Variants in CHRNA6 observed in about 807,000 individuals in gnomAD.
The protein encoded by CHRNA6 is neuronal acetylcholine receptor subunit alpha-6.
A neutral mutation model predicts 40.9 loss-of-function variants in CHRNA6; 31 were observed. The ratio of observed to expected loss-of-function variants is 0.76; its 90% confidence interval spans 0.57 to 1.02. The LOEUF (loss-of-function observed/expected upper bound fraction) is 1.02. CHRNA6 is among the 50% of genes least tolerant of loss of function. CHRNA6 has a pLI of 0.00. For missense variants in CHRNA6, 546 were observed against 596.6 expected, an observed-to-expected ratio of 0.92 and a Z score of 0.88; for synonymous variants, 222 against 221.3, an observed-to-expected ratio of 1.00 and a Z score of -0.03.
chr8:42,764,403 C>T (rs755110677), intron 2 of CHRNA6, among the ~76,000 whole-genome samples: 1 of 151,954 alleles, frequency 6.6e-6, no homozygotes, highest in African/African-American at 2.4e-5. Flanking sequence ...TCTCGGCTCA[C>T]TGCAGCCTTG....
chr8:42,756,107 G>A lies in CHRNA6; in HGVS notation c.1092C>T (p.Gly364=). The change falls in exon 5 of 6, where the codon GGC becomes GGT. Residue 364 remains glycine, a synonymous_variant. Coordinates refer to ENST00000276410, the MANE Select transcript of CHRNA6 (RefSeq NM_004198.3). The part of the protein sequence containing the change: ...LMRWPLDKTR[G]TGSDAVPRGL... Reference sequence around the variant, plus strand: ...CTCTGGGCACTGCATCAGAGCCTGTGCCCCTTGTCTTGTCCAGAGGCCACC... The same window carrying A: ...CTCTGGGCACTGCATCAGAGCCTGTACCCCTTGTCTTGTCCAGAGGCCACC... 1 of 1,614,254 alleles carries A rather than the reference G, an allele frequency of 6.2e-7. No individual in the cohort carries two copies. Among genetic ancestry groups the A allele is most frequent in the Non-Finnish European group, 8.5e-7 (1 of 1,180,038 alleles).
chr8:42,757,617 C>T lies in CHRNA6; in HGVS notation c.265-580G>A, dbSNP rs532568516. ...GCATGGTGGTGGTTGCCTGTAGTCC[C>T]AGCTACTCCGGAGGCTGAGGCAGGA... On this transcript the variant is annotated intron_variant, in intron 3 of 5. Transcript: ENST00000276410. 2.0e-5 allele frequency among the ~76,000 whole-genome samples: 3 copies of T among 150,752 alleles called. No homozygotes were observed. In the East Asian group the frequency reaches 5.9e-4, roughly 30 times the overall value.
In CHRNA6 at chr8:42,756,847, T is replaced by C. The variant is rs768737681; in HGVS notation, c.375-23A>G. 1.1e-5 allele frequency: 17 copies of C among 1,607,994 alleles called. No individual in the cohort carries two copies. The South Asian group carries it at 1.9e-4, about 18-fold the overall frequency. On this transcript the variant is annotated intron_variant, in intron 4 of 5. Coordinates refer to ENST00000276410, the MANE Select transcript of CHRNA6 (RefSeq NM_004198.3). The stretch of plus-strand genomic sequence containing the variant: ...GCACTGCAAAGCAAGTCAGACACCA[T>C]TAGTAACACTCCCTTTGCTATAGGC...
intron 2 of CHRNA6, among the ~76,000 whole-genome samples, chr8:42,760,762 C>T (rs1292071794): frequency 4.6e-5 from 7 of 152,188 alleles, no homozygotes; most frequent in African/African-American, 1.7e-4. Context: ...ACTTAAATGA[C>T]CAGAAGACAG....
intron 1 of CHRNA6, 49 bp downstream of exon 1, chr8:42,768,303 C>T (rs1816999382): frequency 2.1e-6 from 3 of 1,438,610 alleles, no homozygotes; most frequent in East Asian, 4.5e-5. Context: ...AGAGAGTAAA[C>T]ACATGTAGCT....
chr8:42,758,836 G>A (rs1816851166), intron 3 of CHRNA6, among the ~76,000 whole-genome samples: 1 of 152,216 alleles, frequency 6.6e-6, no homozygotes, highest in African/African-American at 2.4e-5. Flanking sequence ...AGATCTGAGA[G>A]CAGCAACCAG....
In CHRNA6 at chr8:42,752,928, A is replaced by C. The variant is rs1586422132; in HGVS notation, c.*251T>G. 2.9e-6 allele frequency: 1 copy of C among 345,234 alleles called. No individual in the cohort carries two copies. Among genetic ancestry groups the C allele is most frequent in the East Asian group, 6.2e-5 (1 of 16,120 alleles). The allele number at this position is 345,234 out of a possible 1,614,324, so 21.4% of individuals were successfully genotyped here. On this transcript the variant is annotated 3_prime_UTR_variant, in exon 6 of 6. Transcript: ENST00000276410. ...CAAACACACAGACACGAGAAACCTG[A>C]CCTGATACTGTAGCCGTGGGTGCTG...
rs200497100 is a variant in CHRNA6, at chr8:42,756,480, G to C, written c.719C>G (p.Pro240Arg). Residue 240 changes from proline to arginine, a missense_variant, in exon 5 of 6, where the codon CCG becomes CGG. Physicochemically the swap from Pro to Arg is moderately radical, Grantham distance 103. This residue lies in a region of CHRNA6 where 476 missense variants were observed against 494.5 expected (regional missense o/e 0.96). Transcript: ENST00000276410. ...GATCAGATTAATCGTGTAAAACATC[G>C]GCAATCTTCTAATGTAGAAAGAATA... ...ITYSFYIRRL[P>R]MFYTINLIIP... 1.2e-6 allele frequency: 2 copies of C among 1,613,922 alleles called. No homozygotes were observed.
intron 2 of CHRNA6, among the ~76,000 whole-genome samples, chr8:42,760,565 C>T (rs1194855467): frequency 6.6e-6 from 1 of 151,866 alleles, no homozygotes; most frequent in Non-Finnish European, 1.5e-5. Context: ...CACACTCACA[C>T]AGTCATACAC....
At chr8:42,768,254 A>C in intron 1 of CHRNA6, 98 bp downstream of exon 1, 1 of 971,352 alleles carries the variant, frequency 1.0e-6, no homozygotes, top group Non-Finnish European at 1.6e-6. Context: ...CAGACCATAG[A>C]AACTTTTATT....
At chr8:42,759,036 A>T (rs1309774472) in intron 3 of CHRNA6, 33 bp downstream of exon 3, 1 of 1,572,910 alleles carries the variant, frequency 6.4e-7, no homozygotes, top group Non-Finnish European at 8.8e-7. Context: ...TCCATTCAAC[A>T]TCATTAAGCC....
At chr8:42,757,164 G>C (rs568188707) in intron 3 of CHRNA6, 127 bp from the exon 4 acceptor site, 2 of 666,068 alleles carry the variant, frequency 3.0e-6, no homozygotes, top group Middle Eastern at 3.9e-4. Context: ...TCAGGAGGTC[G>C]AGACCAGCCT....
chr8:42,756,367 C>T lies in CHRNA6; in HGVS notation c.832G>A (p.Val278Ile). 1 of 1,614,154 alleles carries T rather than the reference C, an allele frequency of 6.2e-7. No individual in the cohort carries two copies. Among genetic ancestry groups the T allele is most frequent in the Non-Finnish European group, 8.5e-7 (1 of 1,180,028 alleles). ...AAAAACACAGTCAGAGAAAGCAGGA[C>T]TGAAATACAAAGCGTCACTTTTTCA... ...CGEKVTLCIS[V>I]LLSLTVFLLV... The change falls in exon 5 of 6, where the codon GTC becomes ATC. Residue 278 changes from valine to isoleucine, a missense_variant. Val to Ile is a conservative substitution (Grantham distance 29, BLOSUM62 3). Coordinates refer to ENST00000276410, the MANE Select transcript of CHRNA6 (RefSeq NM_004198.3).
chr8:42,755,844 A>G lies in CHRNA6; in HGVS notation c.1353+2T>C. The G allele has an allele frequency of 6.2e-7, 1 of 1,611,246 alleles. No individual in the cohort carries two copies. The highest frequency in any genetic ancestry group is 8.5e-7 in the Non-Finnish European group (1 of 1,178,430). ...GGCTGGGTGGAGGGAACACACATTT[A>G]CCTCCTTGGTTTCATTGTGGCTCTT... On this transcript the variant is annotated splice_donor_variant, in intron 5 of 5. Transcript: ENST00000276410. LOFTEE classifies it high-confidence loss of function.
At chr8:42,764,867 A>C in intron 2 of CHRNA6, 198 bp downstream of exon 2, 2 of 585,418 alleles carry the variant, frequency 3.4e-6, no homozygotes, top group South Asian at 2.3e-5. Context: ...ACTGGTTCTC[A>C]AAGCACTTCC....
chr8:42,768,505 G>A lies in CHRNA6; in HGVS notation c.-75C>T. On this transcript the variant is annotated 5_prime_UTR_variant, in exon 1 of 6. Coordinates refer to ENST00000276410, the MANE Select transcript of CHRNA6 (RefSeq NM_004198.3). The stretch of plus-strand genomic sequence containing the variant: ...ACAAAGAGCTATCAGTCAGCCACAT[G>A]CATCCAACCTTGACATCATCAGAAG... 9.1e-7 allele frequency: 1 copy of A among 1,102,862 alleles called. No homozygotes were observed. The highest frequency in any genetic ancestry group is 1.3e-5 in the South Asian group (1 of 79,504). 68.3% of individuals were successfully genotyped at this position (1,102,862 alleles called of 1,614,324 possible). A position where few individuals can be genotyped will look rare whatever the true frequency, so the allele number is the denominator to read the frequency against.
In CHRNA6 at chr8:42,756,042, T is replaced by C. The variant is rs1024240469; in HGVS notation, c.1157A>G (p.His386Arg). Residue 386 changes from histidine (H) to arginine (R), a missense_variant, in exon 5 of 6, where the codon CAT becomes CGT. By Grantham distance (29) the His-to-Arg change is conservative. Coordinates refer to ENST00000276410, the MANE Select transcript of CHRNA6 (RefSeq NM_004198.3). Reference protein sequence around the residue: ...RRPAKGKLASHGEPRHLKECF... With the variant: ...RRPAKGKLASRGEPRHLKECF... ...TTCTTTAAGATGTCTGGGTTCCCCA[T>C]GGCTTGCAAGCTTGCCTTTGGCAGG... 6.2e-7 allele frequency: 1 copy of C among 1,614,260 alleles called. No homozygotes were observed. Among genetic ancestry groups the C allele is most frequent in the South Asian group, 1.1e-5 (1 of 91,088 alleles).
At chr8:42,759,327 C>A in intron 2 of CHRNA6, 1 of 524,090 alleles carries the variant, frequency 1.9e-6, no homozygotes, top group Non-Finnish European at 3.5e-6. Flanking sequence ...GGCAATGTGG[C>A]TTTAAACTCT....
chr8:42,754,683 C>A (rs1816766381), intron 5 of CHRNA6, among the ~76,000 whole-genome samples: 1 of 152,176 alleles, frequency 6.6e-6, no homozygotes, highest in South Asian at 2.1e-4. Flanking sequence ...AACCTAGACA[C>A]CAGGCCTGAG....
Sources: gnomAD v4.1 joint callset for allele counts (sites outside exome capture counted in the v4.1 genomes callset) on GRCh38, gnomAD v4.1.1 for gene constraint, gnomAD v4.1.1 regional missense constraint, MANE v1.5 for transcripts, NCBI Gene and HGNC (gene_info 2026-07-23, HGNC 2026-07-21) for gene names.